Variants in LEPROTL1 observed in about 807,000 individuals in gnomAD.
LEPROTL1 encodes leptin receptor overlapping transcript like 1.
Under a neutral mutation model 15.4 loss-of-function variants are expected in LEPROTL1, and 6 were observed. The observed-to-expected ratio is 0.39, with a 90% CI of 0.21 to 0.77. The LOEUF (loss-of-function observed/expected upper bound fraction) is 0.77, where lower values mean the gene tolerates loss of function less well. LEPROTL1 is among the 30% of genes least tolerant of loss of function. LEPROTL1 has a pLI of 0.41. For synonymous variants in LEPROTL1, 56 were observed against 52.6 expected (o/e 1.06, Z -0.28); for missense variants, 128 against 158.1 (o/e 0.81, Z 1.02).
intron 4 of LEPROTL1, chr8:30,137,243 G>C (rs926165294): frequency 2.0e-6 from 3 of 1,500,100 alleles, no homozygotes; most frequent in South Asian, 1.2e-5. Context: ...TCTCTAGACT[G>C]TAATTAGCTC....
intron 4 of LEPROTL1, chr8:30,132,948 T>G: frequency 6.8e-7 from 1 of 1,468,804 alleles, no homozygotes; most frequent in Non-Finnish European, 9.0e-7. Flanking sequence ...CACTCTGTAT[T>G]TATTCTCTCT....
In LEPROTL1 at chr8:30,107,405, TAAA is replaced by T; in HGVS notation, c.*1546_*1548del. ...TGTATGTTTATTCAGTATACTTACATAAAAATTATTTCGCCATCAGCCAAAACT... is the reference window on the plus strand; with the variant it reads ...TGTATGTTTATTCAGTATACTTACATAATTATTTCGCCATCAGCCAAAACT... On this transcript the variant is annotated 3_prime_UTR_variant, in exon 4 of 4. Transcript: ENST00000321250. The T allele has an allele frequency of 1.0e-6, 1 of 985,722 alleles. No homozygotes were observed. The highest frequency in any genetic ancestry group is 1.2e-6 in the Non-Finnish European group (1 of 829,774). The allele number at this position is 985,722 out of a possible 1,614,324, so 61.1% of individuals were successfully genotyped here.
chr8:30,099,684 T>C (rs574458363), intron 1 of LEPROTL1, among the ~76,000 whole-genome samples: 6 of 150,254 alleles, frequency 4.0e-5, no homozygotes, highest in East Asian at 2.0e-4. Context: ...AGGAGTTAAG[T>C]TGGAGGAAAG....
chr8:30,125,845 C>A (rs1802896703), intron 3 of LEPROTL1, among the ~76,000 whole-genome samples: 1 of 152,118 alleles, frequency 6.6e-6, no homozygotes, highest in Admixed American at 6.6e-5. Flanking sequence ...GAAGAAAATG[C>A]TAAAGTAGTC....
At chr8:30,100,297 T>TCTA (rs1802444124) in intron 1 of LEPROTL1, among the ~76,000 whole-genome samples, 1 of 152,240 alleles carries the variant, frequency 6.6e-6, no homozygotes, top group Non-Finnish European at 1.5e-5. Context: ...AGCCTTTGTT[T>TCTA]TGGTAACTTT....
intron 3 of LEPROTL1, among the ~76,000 whole-genome samples, chr8:30,126,230 T>C (rs1276260558): frequency 6.6e-6 from 1 of 152,168 alleles, no homozygotes; most frequent in Admixed American, 6.5e-5. Flanking sequence ...TTATACCGTA[T>C]AGCCTAGGTA....
chr8:30,108,067 T>C lies in LEPROTL1; in HGVS notation c.*2205T>C, dbSNP rs1729139545. ...AAACAATAAAGATTTTAAATATCTA[T>C]TTTAGTTTGTGGGTGTTTTTGAAAT... is the stretch of plus-strand genomic sequence containing the variant. On this transcript the variant is annotated 3_prime_UTR_variant, in exon 4 of 4. Transcript: ENST00000321250. 2 of 849,424 alleles carry C rather than the reference T, an allele frequency of 2.4e-6. No homozygotes were observed. The highest frequency in any genetic ancestry group is 2.8e-6 in the Non-Finnish European group (2 of 706,218). The allele number at this position is 849,424 out of a possible 1,614,324, so 52.6% of individuals were successfully genotyped here. A position where few individuals can be genotyped will look rare whatever the true frequency, so the allele number is the denominator to read the frequency against.
Position 30,108,349 on chromosome 8 carries a change from C to T in LEPROTL1, c.*2487C>T, listed in dbSNP as rs1442786192. 6.6e-6 allele frequency: 1 copy of T among 152,192 alleles called. No individual in the cohort carries two copies. The highest frequency in any genetic ancestry group is 6.5e-5 in the Admixed American group (1 of 15,280). 9.4% of individuals were successfully genotyped at this position (152,192 alleles called of 1,614,324 possible). ...AAGGTTTTGTTGACATTTAAGACTA[C>T]TACTGATCTAAAGGCAAGGTCCTAC... is the stretch of plus-strand genomic sequence containing the variant. On this transcript the variant is annotated 3_prime_UTR_variant, in exon 4 of 4. Coordinates refer to ENST00000321250, the MANE Select transcript of LEPROTL1 (RefSeq NM_015344.3).
intron 3 of LEPROTL1, 111 bp downstream of exon 3, chr8:30,104,597 A>G: frequency 1.8e-6 from 1 of 557,314 alleles, no homozygotes. Flanking sequence ...ATAAGAGCCT[A>G]GAAGATAGAG....
chr8:30,117,132 T>C (rs557369724), intron 3 of LEPROTL1, among the ~76,000 whole-genome samples: 1 of 152,250 alleles, frequency 6.6e-6, no homozygotes, highest in South Asian at 2.1e-4. Context: ...ATTGTAATCC[T>C]AGGGAATTAG....
At chr8:30,127,976 G>T (rs972480786) in intron 3 of LEPROTL1, among the ~76,000 whole-genome samples, 4 of 152,058 alleles carry the variant, frequency 2.6e-5, no homozygotes, top group Admixed American at 2.0e-4. Flanking sequence ...GTAATAGAGT[G>T]GGTAATGAAG....
At chr8:30,114,076 C>CAG (rs1411620596) in intron 3 of LEPROTL1, among the ~76,000 whole-genome samples, 2 of 152,098 alleles carry the variant, frequency 1.3e-5, no homozygotes, top group African/African-American at 4.8e-5. Flanking sequence ...TGGTTTTCCT[C>CAG]AGAGGCTCTC....
chr8:30,135,291 A>G (rs1803117321), intron 4 of LEPROTL1, among the ~76,000 whole-genome samples: 1 of 152,210 alleles, frequency 6.6e-6, no homozygotes, highest in South Asian at 2.1e-4. Context: ...GATGCAAATA[A>G]GAGAATGATG....
chr8:30,121,546 G>A (rs1231670766), intron 3 of LEPROTL1, among the ~76,000 whole-genome samples: 2 of 152,126 alleles, frequency 1.3e-5, no homozygotes, highest in African/African-American at 2.4e-5. Flanking sequence ...GAGCCATCAC[G>A]CCCAGCCTAG....
At chr8:30,110,729 G>C (rs1802643240), downstream of LEPROTL1, among the ~76,000 whole-genome samples, 1 of 151,844 alleles carries the variant, frequency 6.6e-6, no homozygotes, top group South Asian at 2.1e-4. Context: ...GTGAGACTCT[G>C]TCCCAAAATA....
At chr8:30,122,857 G>T (rs1354284108) in intron 3 of LEPROTL1, among the ~76,000 whole-genome samples, 1 of 152,166 alleles carries the variant, frequency 6.6e-6, no homozygotes, top group East Asian at 1.9e-4. Context: ...TGGGGAGAAT[G>T]AATCTTAACA....
chr8:30,097,487 A>G (rs1041785372), intron 1 of LEPROTL1, among the ~76,000 whole-genome samples: 2 of 151,880 alleles, frequency 1.3e-5, no homozygotes, highest in African/African-American at 4.8e-5. Flanking sequence ...CCTGTCCAAG[A>G]TGGTGAAACC....
At chr8:30,133,693 G>A (rs144460215) in intron 4 of LEPROTL1, among the ~76,000 whole-genome samples, 2 of 151,376 alleles carry the variant, frequency 1.3e-5, no homozygotes, top group Admixed American at 1.3e-4. Context: ...GGAGGCTGAC[G>A]TGGGTGGAAC....
chr8:30,112,808 G>C (rs955601599), downstream of LEPROTL1, among the ~76,000 whole-genome samples: 2 of 152,010 alleles, frequency 1.3e-5, no homozygotes, highest in Admixed American at 1.3e-4. Flanking sequence ...CATAGATAGT[G>C]AATGTTAGAT....
Sources: allele counts gnomAD v4.1 joint callset (sites outside exome capture counted in the v4.1 genomes callset), GRCh38; gene constraint gnomAD v4.1.1; transcripts MANE v1.5; gene names NCBI Gene and HGNC (gene_info 2026-07-23, HGNC 2026-07-21).